MDGA2: variants seen among roughly 807,000 people sequenced by gnomAD.
MDGA2 encodes MAM domain containing glycosylphosphatidylinositol anchor 2, also known as MAM domain-containing glycosylphosphatidylinositol anchor protein 2.
In MDGA2, 40 loss-of-function variants were observed where a neutral mutation model predicts 117.8. The observed-to-expected ratio is 0.34, with a 90% CI of 0.26 to 0.44. MDGA2 has a LOEUF of 0.44. MDGA2 is among the 20% of genes least tolerant of loss of function. The probability of loss-of-function intolerance (pLI) is 1.00; values close to 1 mark genes in which losing one functional copy is unlikely to be tolerated. For synonymous variants in MDGA2, 452 were observed against 439.0 expected, an observed-to-expected ratio of 1.03 and a Z score of -0.37; for missense variants, 1,123 against 1,250.6, an observed-to-expected ratio of 0.90 and a Z score of 1.54.
intron 1 of MDGA2, among the ~76,000 whole-genome samples, chr14:47,658,811 T>C (rs1897792447): frequency 6.6e-6 from 1 of 152,190 alleles, no homozygotes; most frequent in African/African-American, 2.4e-5. Flanking sequence ...GTCCAAGGAC[T>C]GGTAGAAAAG....
At chr14:47,449,051 A>G (rs1416470152) in intron 1 of MDGA2, among the ~76,000 whole-genome samples, 1 of 152,184 alleles carries the variant, frequency 6.6e-6, no homozygotes, top group Admixed American at 6.5e-5. Context: ...TTCTTTCCAG[A>G]CGAATCTTAA....
intron 1 of MDGA2, among the ~76,000 whole-genome samples, chr14:47,545,856 A>T (rs988098685): frequency 1.3e-5 from 2 of 152,200 alleles, no homozygotes; most frequent in African/African-American, 4.8e-5. Context: ...TGATCAATTT[A>T]AAAATAGTGT....
In MDGA2 at chr14:47,206,464, GC is replaced by G. The variant is rs1433391281; in HGVS notation, c.595+11556del. ...AAAATAGCCTGGCATGTTGGCACCT[GC>G]CTGTAGTCCCAGCTACTCAAGAGGC... On this transcript the variant is annotated intron_variant, in intron 3 of 16. Transcript: ENST00000399232. Among the ~76,000 whole-genome samples the G allele has an allele frequency of 4.6e-5, 7 of 151,940 alleles. No individual in the cohort carries two copies. In the East Asian group the frequency reaches 1.4e-3, roughly 29 times the overall value.
chr14:47,451,306 T>A (rs1893235901), intron 1 of MDGA2, among the ~76,000 whole-genome samples: 1 of 152,126 alleles, frequency 6.6e-6, no homozygotes, highest in Non-Finnish European at 1.5e-5. Context: ...CTTTAGTGAA[T>A]CTGTGGAAGG....
chr14:46,893,687 T>C (rs907438552), intron 10 of MDGA2, among the ~76,000 whole-genome samples: 2 of 152,098 alleles, frequency 1.3e-5, no homozygotes, highest in Non-Finnish European at 2.9e-5. Flanking sequence ...TGTATTCACA[T>C]TTTAATACTA....
At chr14:47,156,237 AT>A (rs1883383476) in intron 3 of MDGA2, among the ~76,000 whole-genome samples, 1 of 151,682 alleles carries the variant, frequency 6.6e-6, no homozygotes, top group African/African-American at 2.4e-5. Context: ...GTGTGTCCCT[AT>A]TTTTCAGAAG....
chr14:47,602,174 C>T (rs1896660946), intron 1 of MDGA2, among the ~76,000 whole-genome samples: 1 of 152,036 alleles, frequency 6.6e-6, no homozygotes, highest in African/African-American at 2.4e-5. Flanking sequence ...CATCTTCTAC[C>T]AGCAATGTAA....
chr14:47,215,189 CT>C (rs796257624), intron 3 of MDGA2, among the ~76,000 whole-genome samples: 16 of 150,530 alleles, frequency 1.1e-4, no homozygotes, highest in South Asian at 4.2e-4. Flanking sequence ...AAAAACAGTC[CT>C]TTTTTTTTAG....
rs148385466 is a variant in MDGA2 at position 47,430,683 on chromosome 14, G to C, written c.281-129133C>G. Among the ~76,000 whole-genome samples, 232 of 152,122 alleles carry C rather than the reference G, an allele frequency of 1.5e-3. 2 individuals are homozygous for C. The highest frequency in any genetic ancestry group is 5.3e-3 in the African/African-American group (220 of 41,526). On this transcript the variant is annotated intron_variant, in intron 1 of 16. Transcript: ENST00000399232. Reference sequence around the variant, plus strand: ...AAGTTGTTTCTGTTTAAACATATAAGATCCTATATCAAGTAAGCACTTGGA... The same window carrying C: ...AAGTTGTTTCTGTTTAAACATATAACATCCTATATCAAGTAAGCACTTGGA...
chr14:47,634,488 A>T (rs1594954519), intron 1 of MDGA2, among the ~76,000 whole-genome samples: 1 of 152,256 alleles, frequency 6.6e-6, no homozygotes, highest in Non-Finnish European at 1.5e-5. Flanking sequence ...AAATTCCTCA[A>T]ATGTAAAAAC....
chr14:46,904,937 G>A (rs1474639494), intron 10 of MDGA2, among the ~76,000 whole-genome samples: 2 of 152,118 alleles, frequency 1.3e-5, no homozygotes, highest in Non-Finnish European at 2.9e-5. Context: ...TATCAGGGTA[G>A]TCTATGTGGA....
chr14:47,417,210 T>C (rs930386151), intron 1 of MDGA2, among the ~76,000 whole-genome samples: 1 of 152,220 alleles, frequency 6.6e-6, no homozygotes, highest in African/African-American at 2.4e-5. Flanking sequence ...CTTTAAATAA[T>C]TTCCCTTTTT....
chr14:47,418,787 G>C (rs1892523495), intron 1 of MDGA2, among the ~76,000 whole-genome samples: 1 of 152,128 alleles, frequency 6.6e-6, no homozygotes, highest in Non-Finnish European at 1.5e-5. Context: ...TGGTATGAGA[G>C]AAATAGAACC....
At chr14:47,426,723 TCTCACGCAGTGAACAACATA>T (rs1892699268) in intron 1 of MDGA2, among the ~76,000 whole-genome samples, 1 of 148,682 alleles carries the variant, frequency 6.7e-6, no homozygotes, top group African/African-American at 2.4e-5. Context: ...CATATATGTA[TCTCACGCAGTGAACAACATA>T]GTTATCCAAC....
chr14:47,593,193 G>A (rs917032171), intron 1 of MDGA2, among the ~76,000 whole-genome samples: 2 of 152,058 alleles, frequency 1.3e-5, no homozygotes, highest in African/African-American at 2.4e-5. Context: ...ACCATTTCAC[G>A]CCCGTCTGAA....
intron 8 of MDGA2, among the ~76,000 whole-genome samples, chr14:46,976,624 A>G (rs957179129): frequency 2.0e-5 from 3 of 151,980 alleles, no homozygotes; most frequent in African/African-American, 7.2e-5. Flanking sequence ...TGAAGCTATC[A>G]TATCCGTTAT....
chr14:47,573,257 G>A (rs768835443), intron 1 of MDGA2, among the ~76,000 whole-genome samples: 9 of 152,184 alleles, frequency 5.9e-5, no homozygotes, highest in Non-Finnish European at 1.0e-4. Flanking sequence ...CTGAAGAAAT[G>A]AGCATTATTC....
At chr14:47,375,269 T>TA (rs1166011001) in intron 1 of MDGA2, among the ~76,000 whole-genome samples, 1 of 152,000 alleles carries the variant, frequency 6.6e-6, no homozygotes, top group Non-Finnish European at 1.5e-5. Context: ...ACTTCCATCT[T>TA]AATCAAAGCC....
At chr14:47,195,162 T>C (rs1297773844) in intron 3 of MDGA2, among the ~76,000 whole-genome samples, 2 of 152,054 alleles carry the variant, frequency 1.3e-5, no homozygotes, top group African/African-American at 4.8e-5. Flanking sequence ...CTTCAAATTA[T>C]ATTATTTTCA....
Sources: allele counts gnomAD v4.1 joint callset (sites outside exome capture counted in the v4.1 genomes callset), GRCh38; gene constraint gnomAD v4.1.1; transcripts MANE v1.5; gene names NCBI Gene and HGNC (gene_info 2026-07-23, HGNC 2026-07-21).